The following PRELID2 variants were observed in gnomAD, a reference collection of about 807,000 sequenced individuals.
The protein encoded by PRELID2 is PRELI domain-containing protein 2.
PRELID2 carries 25 observed loss-of-function variants against 28.4 expected under a neutral mutation model. The ratio of observed to expected loss-of-function variants is 0.88; its 90% CI spans 0.64 to 1.23. The LOEUF (loss-of-function observed/expected upper bound fraction) is 1.23, where lower values mean the gene tolerates loss of function less well. Ranked by LOEUF, PRELID2 falls within the 50% of genes most tolerant of loss-of-function variation. PRELID2 has a pLI of 0.00. For missense variants in PRELID2, 201 were observed against 214.4 expected (o/e 0.94, Z 0.39); for synonymous variants, 76 against 71.6 (o/e 1.06, Z -0.31).
At chr5:145,594,130 T>A (rs184443918) in intron 1 of PRELID2, among the ~76,000 whole-genome samples, 88 of 152,308 alleles carry the variant, frequency 5.8e-4, no homozygotes, top group Non-Finnish European at 1.5e-4. Context: ...TTTTAACCCT[T>A]GATAAGCATC....
chr5:145,565,729 GT>G (rs1434102465), intron 1 of PRELID2, among the ~76,000 whole-genome samples: 1 of 152,212 alleles, frequency 6.6e-6, no homozygotes, highest in East Asian at 1.9e-4. Context: ...TTCAAATCAT[GT>G]CATTCTCAAC....
rs537050529 is a variant in PRELID2 at position 145,710,066 on chromosome 5, A to G, written n.70+54865T>C. On this transcript the variant is annotated intron_variant and non_coding_transcript_variant, in intron 1 of 2. Coordinates refer to the PRELID2 transcript ENST00000510259. ...CTATTTCAGAATCTATACTTACCAA[A>G]AGGATGATGGAAGAGGATTTCTAAT... is the stretch of plus-strand genomic sequence containing the variant. Among the ~76,000 whole-genome samples, 18 of 152,276 alleles carry G rather than the reference A, an allele frequency of 1.2e-4. No homozygotes were observed. In the South Asian group the frequency reaches 3.7e-3, roughly 32 times the overall value.
the PRELID2 span, among the ~76,000 whole-genome samples, chr5:145,314,026 T>G: frequency 3.9e-5 from 6 of 152,238 alleles, no homozygotes; most frequent in Admixed American, 3.9e-4. Flanking sequence ...TGTACTTATG[T>G]TATGCTATGA....
intron 1 of PRELID2, among the ~76,000 whole-genome samples, chr5:145,575,746 C>T (rs547838888): frequency 2.3e-3 from 357 of 152,214 alleles, no homozygotes; most frequent in Non-Finnish European, 4.0e-3. Flanking sequence ...ACTGTTGCTA[C>T]CTCAAGGGAG....
intron 1 of PRELID2, among the ~76,000 whole-genome samples, chr5:145,824,436 G>GTGTGTGTC (rs902007085): frequency 7.1e-5 from 9 of 126,738 alleles, no homozygotes; most frequent in African/African-American, 2.3e-4. Flanking sequence ...GTGTGTGTGT[G>GTGTGTGTC]TGTGTGTGTG....
the PRELID2 span, among the ~76,000 whole-genome samples, chr5:145,407,461 C>A: frequency 1.3e-5 from 2 of 152,080 alleles, no homozygotes; most frequent in Non-Finnish European, 2.9e-5. Flanking sequence ...CAAGCCTCAC[C>A]TAAGGAGAGT....
rs188802004 is a variant in PRELID2 at position 145,650,282 on chromosome 5, A to G, written n.70+114649T>C. 4.3e-4 allele frequency among the ~76,000 whole-genome samples: 65 copies of G among 152,122 alleles called. 1 individual carries two copies. Among genetic ancestry groups the G allele is most frequent in the African/African-American group, 1.5e-3 (62 of 41,524 alleles). ...GCTACTACTTCTGAAATCAACAATCATCTCAAGGAGACGAGTAGCACTGAA... is the reference window on the plus strand; with the variant it reads ...GCTACTACTTCTGAAATCAACAATCGTCTCAAGGAGACGAGTAGCACTGAA... On this transcript the variant is annotated intron_variant and non_coding_transcript_variant, in intron 1 of 2. Transcript: ENST00000510259.
the PRELID2 span, among the ~76,000 whole-genome samples, chr5:145,291,337 G>GAAAAAAAAAA: frequency 2.4e-5 from 1 of 41,732 alleles, no homozygotes; most frequent in Non-Finnish European, 4.8e-5. Context: ...CTCTGTTTCA[G>GAAAAAAAAAA]AAAAAAAAAA....
At chr5:145,453,113 C>T in the PRELID2 span, among the ~76,000 whole-genome samples, 3 of 152,136 alleles carry the variant, frequency 2.0e-5, no homozygotes, top group Non-Finnish European at 4.4e-5. Flanking sequence ...TCTGAAACCC[C>T]TGAGCTATAG....
At chr5:145,775,177 T>C (rs999493201) in intron 5 of PRELID2, among the ~76,000 whole-genome samples, 1 of 151,744 alleles carries the variant, frequency 6.6e-6, no homozygotes, top group Non-Finnish European at 1.5e-5. Flanking sequence ...GAGGTGGAGG[T>C]TGCAGTGAGC....
chr5:145,600,270 C>T lies in PRELID2; in HGVS notation n.71-126955G>A, dbSNP rs4286727. On this transcript the variant is annotated intron_variant and non_coding_transcript_variant, in intron 1 of 2. Transcript: ENST00000510259. ...TATGGCACAATAGGTATTCCAAATGCCTTCTGCATGATAAAACAGCTAGAT... is the reference window on the plus strand; with the variant it reads ...TATGGCACAATAGGTATTCCAAATGTCTTCTGCATGATAAAACAGCTAGAT... Among the ~76,000 whole-genome samples the T allele has an allele frequency of 2.9e-3, 439 of 151,700 alleles. 1 individual carries two copies. Among genetic ancestry groups the T allele is most frequent in the African/African-American group, 0.01 (417 of 41,292 alleles).
chr5:145,817,725 C>A (rs953017247), intron 4 of PRELID2, among the ~76,000 whole-genome samples, 169 bp downstream of exon 4: 1 of 151,962 alleles, frequency 6.6e-6, no homozygotes, highest in East Asian at 1.9e-4. Flanking sequence ...CATTTCCTGA[C>A]CTCCCTTGCA....
intron 5 of PRELID2, among the ~76,000 whole-genome samples, chr5:145,791,243 C>T (rs1242845674): frequency 6.6e-6 from 1 of 151,994 alleles, no homozygotes; most frequent in African/African-American, 2.4e-5. Context: ...AGGAAACAGC[C>T]CCCATGATTC....
chr5:145,461,985 G>T, the PRELID2 span, among the ~76,000 whole-genome samples: 1 of 152,106 alleles, frequency 6.6e-6, no homozygotes. Flanking sequence ...GATTTGGAAG[G>T]TTCATTTGTT....
rs1447808728 is a variant in PRELID2, at chr5:145,741,609, T to A, written n.70+23322A>T. On this transcript the variant is annotated intron_variant and non_coding_transcript_variant, in intron 1 of 2. Transcript: ENST00000510259. ...TTATATATAAAATTTATTTATAATT[T>A]ATTTATATATAAATAATTTATTTAT... Among the ~76,000 whole-genome samples the A allele has an allele frequency of 9.3e-3, 64 of 6,878 alleles. No individual in the cohort carries two copies. The East Asian group carries it at 0.12, about 13-fold the overall frequency. 4.5% of individuals were successfully genotyped at this position (6,878 alleles called of 152,430 possible). A position where few individuals can be genotyped will look rare whatever the true frequency, so the allele number is the denominator to read the frequency against.
chr5:145,676,220 CAAAAAAA>C (rs34833967), intron 1 of PRELID2, among the ~76,000 whole-genome samples: 18 of 53,620 alleles, frequency 3.4e-4, no homozygotes, highest in East Asian at 5.3e-4. Context: ...AACTCCATCT[CAAAAAAA>C]AAAAAAAAAA....
chr5:145,564,170 GGTGTACCT>G, intron 1 of PRELID2, among the ~76,000 whole-genome samples: 1 of 152,270 alleles, frequency 6.6e-6, no homozygotes, highest in Middle Eastern at 3.4e-3. Flanking sequence ...GAGAAACTTT[GGTGTACCT>G]GCCTCTGAAA....
intron 1 of PRELID2, among the ~76,000 whole-genome samples, chr5:145,543,081 G>C (rs1432559807): frequency 6.6e-6 from 1 of 152,084 alleles, no homozygotes; most frequent in Admixed American, 6.6e-5. Flanking sequence ...TCCTCAGGGA[G>C]AGCTTTCCTT....
intron 5 of PRELID2, among the ~76,000 whole-genome samples, chr5:145,768,836 T>C (rs982999840): frequency 3.3e-5 from 5 of 152,270 alleles, no homozygotes; most frequent in East Asian, 3.9e-4. Context: ...CTTTCCCTTT[T>C]TCCCCCCCTC....
Sources: gnomAD v4.1 joint callset for allele counts (sites outside exome capture counted in the v4.1 genomes callset) on GRCh38, gnomAD v4.1.1 for gene constraint, MANE v1.5 for transcripts, NCBI Gene and HGNC (gene_info 2026-07-23, HGNC 2026-07-21) for gene names.